The following TOPBP1 variants were observed in gnomAD, a reference collection of about 807,000 sequenced individuals.
TOPBP1 encodes DNA topoisomerase II binding protein 1.
Under a neutral mutation model 167.7 loss-of-function variants are expected in TOPBP1, and 28 were observed. The observed-to-expected ratio is 0.17, with a 90% CI of 0.12 to 0.23. TOPBP1 has a LOEUF of 0.23. Ranked by LOEUF, TOPBP1 falls within the 10% of genes least tolerant of loss-of-function variation. The pLI is 1.00. For missense variants in TOPBP1, 1,554 were observed against 1,809.6 expected, an observed-to-expected ratio of 0.86 and a Z score of 2.56; for synonymous variants, 598 against 611.4, an observed-to-expected ratio of 0.98 and a Z score of 0.32.
At chr3:133,634,071 G>A (rs1419163551) in intron 14 of TOPBP1, among the ~76,000 whole-genome samples, 1 of 152,190 alleles carries the variant, frequency 6.6e-6, no homozygotes, top group East Asian at 1.9e-4. Context: ...AGTTTGGACT[G>A]GCAACTCCAT....
In TOPBP1 at chr3:133,655,493, G is replaced by A. The variant is rs1936451249; in HGVS notation, c.546-7C>T. On this transcript the variant is annotated splice_polypyrimidine_tract_variant and splice_region_variant and intron_variant, in intron 5 of 27. Coordinates refer to ENST00000260810, the MANE Select transcript of TOPBP1 (RefSeq NM_007027.4). ...AGTATATCTAGTTATTTTTCTGTGGGAATCAAATGGTTAAAAAAGAACATA... is the reference window on the plus strand; with the variant it reads ...AGTATATCTAGTTATTTTTCTGTGGAAATCAAATGGTTAAAAAAGAACATA... 2.9e-6 allele frequency: 4 copies of A among 1,378,794 alleles called. No individual in the cohort carries two copies. Among genetic ancestry groups the A allele is most frequent in the Non-Finnish European group, 3.8e-6 (4 of 1,042,304 alleles). The allele number at this position is 1,378,794 out of a possible 1,614,324, so 85.4% of individuals were successfully genotyped here. A position where few individuals can be genotyped will look rare whatever the true frequency, so the allele number is the denominator to read the frequency against.
Position 133,637,976 on chromosome 3 carries a change from G to A in TOPBP1, c.2420C>T (p.Ala807Val). 6.2e-7 allele frequency: 1 copy of A among 1,613,970 alleles called. No homozygotes were observed. The highest frequency in any genetic ancestry group is 8.5e-7 in the Non-Finnish European group (1 of 1,179,878). ...QHARQVAASP[A>V]VGQPLQKEPS... The stretch of plus-strand genomic sequence containing the variant: ...CTCCTTCTGAAGTGGTTGTCCTACT[G>A]CTGGGGAGGCTGCGACCTGTCTGGC... Residue 807 changes from alanine (A) to valine (V), a missense_variant, in exon 14 of 28, where the codon GCA becomes GTA. Transcript: ENST00000260810.
In TOPBP1 at chr3:133,600,430, G is replaced by T. The variant is rs539458274; in HGVS notation, c.*820C>A. The T allele has an allele frequency of 6.6e-6, 1 of 151,970 alleles. No individual in the cohort carries two copies. Among genetic ancestry groups the T allele is most frequent in the African/African-American group, 2.4e-5 (1 of 41,350 alleles). The allele number at this position is 151,970 out of a possible 1,614,324, so 9.4% of individuals were successfully genotyped here. A position where few individuals can be genotyped will look rare whatever the true frequency, so the allele number is the denominator to read the frequency against. ...TTTTTTGTATTTTTAGTACAGATGA[G>T]GTTTCTCCATGTTGGTCAGGCTGGT... On this transcript the variant is annotated 3_prime_UTR_variant, in exon 28 of 28. Transcript: ENST00000260810.
At position 133,606,934 on chromosome 3, in the gene TOPBP1, C is replaced by T. The variant is rs191536049; in HGVS notation, c.4425+1601G>A. Among the ~76,000 whole-genome samples the T allele has an allele frequency of 2.0e-5, 3 of 152,164 alleles. No homozygotes were observed. The East Asian group carries it at 5.8e-4, about 29-fold the overall frequency. ...AAAAAATATTAAATACACACACACA[C>T]ACCAACAAACAAACAAACAAACAAA... On this transcript the variant is annotated intron_variant, in intron 27 of 27. Coordinates refer to ENST00000260810, the MANE Select transcript of TOPBP1 (RefSeq NM_007027.4).
In TOPBP1 at chr3:133,617,184, A is replaced by G. The variant is rs1354190073; in HGVS notation, c.3735T>C (p.Pro1245=). Residue 1245 remains proline, a synonymous_variant, in exon 22 of 28, where the codon CCT becomes CCC. Transcript: ENST00000260810. ...CCTTTTCTCTAGGGTGCGGAGCCAC[A>G]GGGGGGTTGGCGAGTGGAAAGGCAA... ...PSIAFPLANP[P]VAPHPREKII... 1 of 1,612,946 alleles carries G rather than the reference A, an allele frequency of 6.2e-7. No individual in the cohort carries two copies. Among genetic ancestry groups the G allele is most frequent in the Non-Finnish European group, 8.5e-7 (1 of 1,179,558 alleles).
intron 5 of TOPBP1, among the ~76,000 whole-genome samples, chr3:133,655,876 T>C (rs1284323233): frequency 6.6e-6 from 1 of 152,126 alleles, no homozygotes; most frequent in Non-Finnish European, 1.5e-5. Context: ...AAAGCAATGA[T>C]TTTTGGCAAA....
chr3:133,624,314 C>T (rs1935197392), intron 16 of TOPBP1, 139 bp from the exon 17 acceptor site: 1 of 959,658 alleles, frequency 1.0e-6, no homozygotes, highest in Non-Finnish European at 1.5e-6. Flanking sequence ...ATTAAAATGA[C>T]AGGCTCAAGC....
chr3:133,630,748 G>C (rs1935445970), intron 14 of TOPBP1, among the ~76,000 whole-genome samples: 1 of 152,160 alleles, frequency 6.6e-6, no homozygotes, highest in African/African-American at 2.4e-5. Flanking sequence ...ATCACACCCA[G>C]TTAGAGAATT....
intron 27 of TOPBP1, among the ~76,000 whole-genome samples, chr3:133,607,880 G>A (rs1163760519): frequency 6.6e-6 from 1 of 152,152 alleles, no homozygotes; most frequent in Non-Finnish European, 1.5e-5. Flanking sequence ...TAAATCCTGA[G>A]CAATCTCCAA....
intron 12 of TOPBP1, among the ~76,000 whole-genome samples, chr3:133,641,273 A>G (rs1330668381): frequency 6.6e-6 from 1 of 152,126 alleles, no homozygotes; most frequent in Non-Finnish European, 1.5e-5. Context: ...TCCTTTTTAC[A>G]TTTGGGTCTC....
At chr3:133,606,508 T>C (rs1271610607) in intron 27 of TOPBP1, among the ~76,000 whole-genome samples, 3 of 151,096 alleles carry the variant, frequency 2.0e-5, no homozygotes, top group Admixed American at 6.6e-5. Context: ...TTTTTTTTTT[T>C]TTTTTTTGTA....
intron 24 of TOPBP1, 45 bp downstream of exon 24, chr3:133,612,344 C>T: frequency 6.2e-7 from 1 of 1,606,296 alleles, no homozygotes; most frequent in Non-Finnish European, 8.5e-7. Context: ...CCGGTGGACA[C>T]TTGCTTTTAA....
At chr3:133,630,885 A>G (rs1576297226) in intron 14 of TOPBP1, among the ~76,000 whole-genome samples, 1 of 152,070 alleles carries the variant, frequency 6.6e-6, no homozygotes, top group Admixed American at 6.6e-5. Context: ...TTATGGCTTC[A>G]TTTCTTATGT....
chr3:133,631,484 T>G (rs1457753037), intron 14 of TOPBP1, among the ~76,000 whole-genome samples: 1 of 152,170 alleles, frequency 6.6e-6, no homozygotes, highest in Non-Finnish European at 1.5e-5. Flanking sequence ...GCTTGCATTT[T>G]TTTCTAGGAC....
At chr3:133,612,302 A>G (rs1934709126) in intron 24 of TOPBP1, 87 bp downstream of exon 24, 2 of 1,509,358 alleles carry the variant, frequency 1.3e-6, no homozygotes, top group East Asian at 2.3e-5. Context: ...GGCCTCCCAA[A>G]GTGCTAGGAT....
intron 4 of TOPBP1, 98 bp from the exon 5 acceptor site, chr3:133,656,955 G>A: frequency 1.8e-6 from 2 of 1,084,684 alleles, no homozygotes; most frequent in Non-Finnish European, 2.5e-6. Flanking sequence ...TTGACAGTTT[G>A]AATACATAAG....
At position 133,616,826 on chromosome 3, in the gene TOPBP1, TC is replaced by T; in HGVS notation, c.3858del (p.Ile1287LeufsTer4). ...NPQERIDYCH[L>X]IEKLGGLVIE... ...AAAATACTGGTACCTAGTTTCTCAA[TC>T]AGATGACAATAGTCAATACGTTCTT... On this transcript the variant is annotated frameshift_variant, in exon 23 of 28. Coordinates refer to ENST00000260810, the MANE Select transcript of TOPBP1 (RefSeq NM_007027.4). LOFTEE classifies it high-confidence loss of function. 6.6e-7 allele frequency: 1 copy of T among 1,518,248 alleles called. No individual in the cohort carries two copies. Among genetic ancestry groups the T allele is most frequent in the Non-Finnish European group, 8.8e-7 (1 of 1,138,340 alleles). 94.0% of individuals were successfully genotyped at this position (1,518,248 alleles called of 1,614,324 possible). A position where few individuals can be genotyped will look rare whatever the true frequency, so the allele number is the denominator to read the frequency against.
chr3:133,620,771 C>T (rs754848713), intron 19 of TOPBP1, among the ~76,000 whole-genome samples: 1 of 151,980 alleles, frequency 6.6e-6, no homozygotes, highest in African/African-American at 2.4e-5. Context: ...GACGCGGTTT[C>T]GCCACGTTGG....
At chr3:133,611,642 G>C (rs1352354882) in intron 24 of TOPBP1, among the ~76,000 whole-genome samples, 1 of 152,230 alleles carries the variant, frequency 6.6e-6, no homozygotes, top group African/African-American at 2.4e-5. Context: ...AGGTGAACCT[G>C]GCTCTGCGAA....
Sources: allele counts gnomAD v4.1 joint callset (sites outside exome capture counted in the v4.1 genomes callset), GRCh38; gene constraint gnomAD v4.1.1; transcripts MANE v1.5; gene names NCBI Gene and HGNC (gene_info 2026-07-23, HGNC 2026-07-21).